LRRIQ4: variants seen among roughly 807,000 people sequenced by gnomAD.
LRRIQ4 encodes the protein leucine rich repeats and IQ motif containing 4.
In LRRIQ4, 21 loss-of-function variants were observed where a neutral mutation model predicts 40.1. The observed-to-expected ratio is 0.52, with a 90% CI of 0.37 to 0.75. LRRIQ4 has a LOEUF of 0.75. LRRIQ4 is among the 30% of genes least tolerant of loss of function. The pLI is 0.00. For synonymous variants in LRRIQ4, 277 were observed against 277.1 expected (o/e 1.00, Z 0.00); for missense variants, 655 against 660.0 (o/e 0.99, Z 0.08).
Position 169,822,654 on chromosome 3 carries a change from C to A in LRRIQ4, c.733C>A (p.Leu245Ile). 6.2e-7 allele frequency: 1 copy of A among 1,613,990 alleles called. No homozygotes were observed. ...QLSVLDLSHNLLHSIPKSFAE... is the reference protein window; with the variant it reads ...QLSVLDLSHNILHSIPKSFAE... Reference sequence around the variant, plus strand: ...GTCGGTGCTCGATTTATCCCACAACCTCCTCCACTCCATCCCGAAGAGCTT... The same window carrying A: ...GTCGGTGCTCGATTTATCCCACAACATCCTCCACTCCATCCCGAAGAGCTT... The change falls in exon 2 of 6, where the codon CTC becomes ATC. Residue 245 changes from leucine (L) to isoleucine (I), a missense_variant. Coordinates refer to ENST00000340806, the MANE Select transcript of LRRIQ4 (RefSeq NM_001080460.3).
intron 2 of LRRIQ4, among the ~76,000 whole-genome samples, chr3:169,826,286 G>A (rs572903833): frequency 6.6e-6 from 1 of 151,978 alleles, no homozygotes; most frequent in African/African-American, 2.4e-5. Flanking sequence ...CAGCTACTCG[G>A]GAGGTTGAGG....
intron 5 of LRRIQ4, among the ~76,000 whole-genome samples, chr3:169,836,378 G>A (rs746993047): frequency 5.3e-5 from 8 of 152,158 alleles, no homozygotes; most frequent in Non-Finnish European, 7.3e-5. Flanking sequence ...CACAGTTCTG[G>A]AGGCTGGAAG....
At chr3:169,835,990 T>C (rs1780294810) in intron 5 of LRRIQ4, among the ~76,000 whole-genome samples, 1 of 151,706 alleles carries the variant, frequency 6.6e-6, no homozygotes, top group Admixed American at 6.6e-5. Flanking sequence ...AGCCACCTCT[T>C]TCATTTGTTC....
At chr3:169,821,415 T>C (rs1394936677) in intron 1 of LRRIQ4, among the ~76,000 whole-genome samples, 1 of 152,120 alleles carries the variant, frequency 6.6e-6, no homozygotes, top group Non-Finnish European at 1.5e-5. Flanking sequence ...CGGGTGGACC[T>C]GAGGTCGGGA....
In LRRIQ4 at chr3:169,830,588, A is replaced by T. The variant is rs1422842454; in HGVS notation, c.1291A>T (p.Asn431Tyr). 1 of 1,613,874 alleles carries T rather than the reference A, an allele frequency of 6.2e-7. No homozygotes were observed. The highest frequency in any genetic ancestry group is 1.7e-5 in the Admixed American group (1 of 60,008). ...PNLEVLDCRH[N>Y]LLKQLPDAIC... ...CCTAGAAGTTCTTGATTGCCGGCAC[A>T]ATTTGCTTAAGCAACTTCCAGATGC... Residue 431 changes from asparagine (N) to tyrosine (Y), a missense_variant, in exon 4 of 6, where the codon AAT becomes TAT. Physicochemically the swap from Asn to Tyr is moderately radical, Grantham distance 143 (BLOSUM62 -2). Coordinates refer to ENST00000340806, the MANE Select transcript of LRRIQ4 (RefSeq NM_001080460.3).
At chr3:169,814,278 C>T (rs1325957567) in intron 1 of LRRIQ4, among the ~76,000 whole-genome samples, 2 of 152,138 alleles carry the variant, frequency 1.3e-5, no homozygotes, top group African/African-American at 4.8e-5. Flanking sequence ...CAGCCAGACT[C>T]TCCACTGACT....
intron 1 of LRRIQ4, among the ~76,000 whole-genome samples, chr3:169,820,068 T>C (rs1239983999): frequency 1.3e-5 from 2 of 152,218 alleles, no homozygotes; most frequent in Non-Finnish European, 2.9e-5. Flanking sequence ...TTTTGAGGAA[T>C]AGCAGTATTA....
At position 169,837,653 on chromosome 3, in the gene LRRIQ4, G is replaced by A; in HGVS notation, c.*22G>A. On this transcript the variant is annotated 3_prime_UTR_variant, in exon 6 of 6. Coordinates refer to ENST00000340806, the MANE Select transcript of LRRIQ4 (RefSeq NM_001080460.3). ...ATAATCCTGTAAATTGATAAATTGGGGTAATGGACCTTGATAGATTAAGAA... is the reference window on the plus strand; with the variant it reads ...ATAATCCTGTAAATTGATAAATTGGAGTAATGGACCTTGATAGATTAAGAA... 1 of 1,543,450 alleles carries A rather than the reference G, an allele frequency of 6.5e-7. No homozygotes were observed. Among genetic ancestry groups the A allele is most frequent in the South Asian group, 1.3e-5 (1 of 79,776 alleles).
chr3:169,816,405 G>C (rs1779770445), intron 1 of LRRIQ4, among the ~76,000 whole-genome samples: 1 of 151,996 alleles, frequency 6.6e-6, no homozygotes, highest in African/African-American at 2.4e-5. Context: ...TATATATCTA[G>C]GAATTTATCC....
chr3:169,822,140 C>G lies in LRRIQ4; in HGVS notation c.219C>G (p.Ile73Met). Residue 73 changes from isoleucine (I) to methionine (M), a missense_variant, in exon 2 of 6, where the codon ATC (isoleucine) becomes ATG (methionine). Transcript: ENST00000340806. ...AGGAGATTCAGCGTTTAAAGAACAT[C>G]AGGGTCCTCTACCTGGATAAGAACA... is the stretch of plus-strand genomic sequence containing the variant. ...IPQEIQRLKN[I>M]RVLYLDKNNL... 6.2e-7 allele frequency: 1 copy of G among 1,613,068 alleles called. No homozygotes were observed. Among genetic ancestry groups the G allele is most frequent in the Admixed American group, 1.7e-5 (1 of 59,748 alleles).
intron 5 of LRRIQ4, 76 bp from the exon 6 acceptor site, chr3:169,837,403 A>C (rs1272765920): frequency 6.9e-7 from 1 of 1,448,776 alleles, no homozygotes; most frequent in Non-Finnish European, 9.3e-7. Context: ...ACCATGTATC[A>C]GAATAAAGAG....
At chr3:169,818,576 T>C (rs77481759) in intron 1 of LRRIQ4, among the ~76,000 whole-genome samples, 2,184 of 152,336 alleles carry the variant, frequency 0.014, 56 homozygotes, top group African/African-American at 0.051. Context: ...TTTTATTTCC[T>C]GTTTTCAAGG....
At chr3:169,831,383 T>C (rs1309782916) in intron 4 of LRRIQ4, among the ~76,000 whole-genome samples, 10 of 141,752 alleles carry the variant, frequency 7.1e-5, no homozygotes, top group South Asian at 2.4e-4. Context: ...ACGCTATTCT[T>C]CTGCCTCAGC....
chr3:169,828,955 G>T (rs1304925568), intron 3 of LRRIQ4, 23 bp downstream of exon 3: 2 of 1,582,372 alleles, frequency 1.3e-6, no homozygotes, highest in African/African-American at 1.4e-5. Flanking sequence ...AAATGAGCAG[G>T]CTAAGAAGCA....
chr3:169,834,022 G>A (rs966791453), intron 5 of LRRIQ4, among the ~76,000 whole-genome samples: 5 of 152,082 alleles, frequency 3.3e-5, no homozygotes, highest in African/African-American at 4.8e-5. Context: ...TCAAAATAAC[G>A]CCTGAGTTAC....
At chr3:169,827,371 G>A (rs777355543) in intron 2 of LRRIQ4, among the ~76,000 whole-genome samples, 59 of 152,054 alleles carry the variant, frequency 3.9e-4, no homozygotes, top group Non-Finnish European at 6.9e-4. Flanking sequence ...ACTTTGGGAG[G>A]CCTAGGCGGG....
At chr3:169,831,865 G>C (rs1053794754) in intron 4 of LRRIQ4, among the ~76,000 whole-genome samples, 5 of 151,542 alleles carry the variant, frequency 3.3e-5, no homozygotes, top group Non-Finnish European at 7.4e-5. Flanking sequence ...TACTTGGGAG[G>C]CTGAGGCAGG....
At chr3:169,820,958 T>A (rs962280997) in intron 1 of LRRIQ4, among the ~76,000 whole-genome samples, 3 of 152,244 alleles carry the variant, frequency 2.0e-5, no homozygotes, top group African/African-American at 7.2e-5. Context: ...TAATCCACTA[T>A]GCCAGCCCAC....
chr3:169,823,085 T>C (rs1334345136), intron 2 of LRRIQ4, 144 bp downstream of exon 2: 6 of 662,446 alleles, frequency 9.1e-6, no homozygotes, highest in Non-Finnish European at 1.2e-5. Context: ...GGTGATACTT[T>C]GTATTACTCT....
Sources: allele counts gnomAD v4.1 joint callset (sites outside exome capture counted in the v4.1 genomes callset), GRCh38; gene constraint gnomAD v4.1.1; transcripts MANE v1.5; gene names NCBI Gene and HGNC (gene_info 2026-07-23, HGNC 2026-07-21).